The following MYOG variants were observed in gnomAD, a reference collection of about 807,000 sequenced individuals.
MYOG encodes class C basic helix-loop-helix protein 3.
MYOG carries 6 observed loss-of-function variants against 17.7 expected under a neutral mutation model. The observed-to-expected ratio is 0.34, with a 90% CI of 0.19 to 0.67. MYOG has a LOEUF of 0.67. Among genes scored for constraint, MYOG ranks in the 30% least tolerant of loss-of-function variants. The pLI, the probability that MYOG is intolerant of heterozygous loss-of-function variation, is 0.69. For synonymous variants in MYOG, 125 were observed against 130.2 expected, an observed-to-expected ratio of 0.96 and a Z score of 0.27; for missense variants, 272 against 302.0, an observed-to-expected ratio of 0.90 and a Z score of 0.74.
rs1653534678 is a variant in MYOG at position 203,083,355 on chromosome 1, A to G, written c.*555T>C. ...CAGCTTTACAAACAACACACGAAAC[A>G]AAACAAAACATAAAACCACTGGAAG... On this transcript the variant is annotated 3_prime_UTR_variant, in exon 3 of 3. Transcript: ENST00000241651. 8.6e-6 allele frequency: 2 copies of G among 233,442 alleles called. No homozygotes were observed. The highest frequency in any genetic ancestry group is 1.6e-5 in the Non-Finnish European group (2 of 121,862). The allele number at this position is 233,442 out of a possible 1,614,324, so 14.5% of individuals were successfully genotyped here.
In MYOG at chr1:203,083,964, G is replaced by A. The variant is rs1404669983; in HGVS notation, c.621C>T (p.Ser207=). ...CCACAGACACATCTTCCACTGTGATGCTGTCCACGATGGAGGTGAGGGAGT... is the reference window on the plus strand; with the variant it reads ...CCACAGACACATCTTCCACTGTGATACTGTCCACGATGGAGGTGAGGGAGT... ...NLHSLTSIVD[S]ITVEDVSVAF... Residue 207 remains serine, a synonymous_variant, in exon 3 of 3, where the codon AGC becomes AGT. Transcript: ENST00000241651. 1.9e-6 allele frequency: 3 copies of A among 1,592,400 alleles called. No individual in the cohort carries two copies. The highest frequency in any genetic ancestry group is 2.6e-6 in the Non-Finnish European group (3 of 1,168,884).
chr1:203,083,707 C>T lies in MYOG; in HGVS notation c.*203G>A. 3 of 732,740 alleles carry T rather than the reference C, an allele frequency of 4.1e-6. No individual in the cohort carries two copies. Among genetic ancestry groups the T allele is most frequent in the Non-Finnish European group, 6.6e-6 (3 of 455,132 alleles). The allele number at this position is 732,740 out of a possible 1,614,324, so 45.4% of individuals were successfully genotyped here. The stretch of plus-strand genomic sequence containing the variant: ...GGGGATGCCCTCTCCTCTAAGGAGG[C>T]AGCTGAATGAGGGCGTCCAGTCCCT... On this transcript the variant is annotated 3_prime_UTR_variant, in exon 3 of 3. Coordinates refer to ENST00000241651, the MANE Select transcript of MYOG (RefSeq NM_002479.6).
chr1:203,083,773 A>G lies in MYOG; in HGVS notation c.*137T>C. The stretch of plus-strand genomic sequence containing the variant: ...TAACCTTACATGGATGAGGAAGGGG[A>G]TAGTCTGGCCTATGGCACCCCAGAG... On this transcript the variant is annotated 3_prime_UTR_variant, in exon 3 of 3. Transcript: ENST00000241651. 2.3e-6 allele frequency: 3 copies of G among 1,303,842 alleles called. No individual in the cohort carries two copies. Among genetic ancestry groups the G allele is most frequent in the Middle Eastern group, 2.4e-4 (1 of 4,228 alleles). The allele number at this position is 1,303,842 out of a possible 1,614,324, so 80.8% of individuals were successfully genotyped here.
In MYOG at chr1:203,083,932, G is replaced by T. The variant is rs747594167; in HGVS notation, c.653C>A (p.Pro218Gln). The change falls in exon 3 of 3, where the codon CCA becomes CAA. Residue 218 changes from proline to glutamine, a missense_variant. Physicochemically the swap from Pro to Gln is moderately conservative, Grantham distance 76 (BLOSUM62 -1). Transcript: ENST00000241651. Reference sequence around the variant, plus strand: ...ATCTCAGTTGGGCATGGTTTCATCTGGGAAGGCCACAGACACATCTTCCAC... The same window carrying T: ...ATCTCAGTTGGGCATGGTTTCATCTTGGAAGGCCACAGACACATCTTCCAC... ...ITVEDVSVAF[P>Q]DETMPN The T allele has an allele frequency of 4.4e-6, 7 of 1,590,826 alleles. No individual in the cohort carries two copies. In the African/African-American group the frequency reaches 9.4e-5, roughly 21 times the overall value.
Position 203,083,510 on chromosome 1 carries a change from C to G in MYOG, c.*400G>C, listed in dbSNP as rs536436131. The G allele has an allele frequency of 4.4e-6, 2 of 452,968 alleles. No individual in the cohort carries two copies. The highest frequency in any genetic ancestry group is 3.1e-5 in the East Asian group (1 of 32,260). The allele number at this position is 452,968 out of a possible 1,614,324, so 28.1% of individuals were successfully genotyped here. A position where few individuals can be genotyped will look rare whatever the true frequency, so the allele number is the denominator to read the frequency against. On this transcript the variant is annotated 3_prime_UTR_variant, in exon 3 of 3. Transcript: ENST00000241651. ...CACTGGCATCGGGAAGAGACCAGAA[C>G]AGGAGACGTGCACAGCTTGTCCAGG...
intron 2 of MYOG, 56 bp from the exon 3 acceptor site, chr1:203,084,087 C>T (rs962002209): frequency 1.3e-6 from 2 of 1,566,752 alleles, no homozygotes; most frequent in African/African-American, 2.7e-5. Context: ...TTCTTGAGGC[C>T]CAGAATAGAG....
rs1041468349 is a variant in MYOG, at chr1:203,083,597, A to G, written c.*313T>C. ...GGGTGGAATTAGAGGCCGCGTTATGATAAAAAGGAAGCTCCTGAGTTTGCC... is the reference window on the plus strand; with the variant it reads ...GGGTGGAATTAGAGGCCGCGTTATGGTAAAAAGGAAGCTCCTGAGTTTGCC... On this transcript the variant is annotated 3_prime_UTR_variant, in exon 3 of 3. Coordinates refer to ENST00000241651, the MANE Select transcript of MYOG (RefSeq NM_002479.6). 17 of 534,584 alleles carry G rather than the reference A, an allele frequency of 3.2e-5. No individual in the cohort carries two copies. Among genetic ancestry groups the G allele is most frequent in the Non-Finnish European group, 5.0e-5 (15 of 301,478 alleles). 33.1% of individuals were successfully genotyped at this position (534,584 alleles called of 1,614,324 possible).
chr1:203,083,551 T>A lies in MYOG; in HGVS notation c.*359A>T. ...CTTGTCCAGGTCAGGGCACTGCGTC[T>A]CTCAAACCGTTTCACTTGGGGGGTG... On this transcript the variant is annotated 3_prime_UTR_variant, in exon 3 of 3. Transcript: ENST00000241651. The A allele has an allele frequency of 1.9e-6, 1 of 513,102 alleles. No individual in the cohort carries two copies. Among genetic ancestry groups the A allele is most frequent in the Non-Finnish European group, 3.4e-6 (1 of 290,650 alleles). 31.8% of individuals were successfully genotyped at this position (513,102 alleles called of 1,614,324 possible).
Position 203,083,598 on chromosome 1 carries a change from TA to T in MYOG, c.*311del. ...GGTGGAATTAGAGGCCGCGTTATGATAAAAAGGAAGCTCCTGAGTTTGCCCC... is the reference window on the plus strand; with the variant it reads ...GGTGGAATTAGAGGCCGCGTTATGATAAAAGGAAGCTCCTGAGTTTGCCCC... On this transcript the variant is annotated 3_prime_UTR_variant, in exon 3 of 3. Transcript: ENST00000241651. 1 of 533,090 alleles carries T rather than the reference TA, an allele frequency of 1.9e-6. No individual in the cohort carries two copies. Among genetic ancestry groups the T allele is most frequent in the Non-Finnish European group, 3.3e-6 (1 of 300,606 alleles). 33.0% of individuals were successfully genotyped at this position (533,090 alleles called of 1,614,324 possible). A position where few individuals can be genotyped will look rare whatever the true frequency, so the allele number is the denominator to read the frequency against.
rs2102713592 is a variant in MYOG, at chr1:203,083,468, G to A, written c.*442C>T. ...CTCCCCTTCTTCTCTCTCAATTCAG[G>A]GCAGGCCCAGCCCAGCCACTGGCAT... On this transcript the variant is annotated 3_prime_UTR_variant, in exon 3 of 3. Coordinates refer to ENST00000241651, the MANE Select transcript of MYOG (RefSeq NM_002479.6). 1 of 408,582 alleles carries A rather than the reference G, an allele frequency of 2.4e-6. No homozygotes were observed. Among genetic ancestry groups the A allele is most frequent in the South Asian group, 1.1e-4 (1 of 9,234 alleles). The allele number at this position is 408,582 out of a possible 1,614,324, so 25.3% of individuals were successfully genotyped here.
At chr1:203,084,201 T>A (rs958666444) in intron 2 of MYOG, among the ~76,000 whole-genome samples, 170 bp from the exon 3 acceptor site, 1 of 136,870 alleles carries the variant, frequency 7.3e-6, no homozygotes, top group African/African-American at 2.5e-5. Flanking sequence ...TGTGAGTGTG[T>A]GTGTGTGTGT....
At chr1:203,085,235 T>C (rs914761104) in intron 1 of MYOG, among the ~76,000 whole-genome samples, 3 of 152,218 alleles carry the variant, frequency 2.0e-5, no homozygotes, top group African/African-American at 7.2e-5. Flanking sequence ...GCTCCTGATC[T>C]TTCTTCAGTC....
At position 203,084,638 on chromosome 1, in the gene MYOG, C is replaced by A. The variant is rs765622442; in HGVS notation, c.553+9G>T. 1.9e-6 allele frequency: 3 copies of A among 1,607,570 alleles called. No homozygotes were observed. The highest frequency in any genetic ancestry group is 2.5e-6 in the Non-Finnish European group (3 of 1,176,796). On this transcript the variant is annotated intron_variant, in intron 2 of 2. Coordinates refer to ENST00000241651, the MANE Select transcript of MYOG (RefSeq NM_002479.6). ...TTGGAGCCAAGGTTACCAGTCAGGCCTTACTTACCCCCTGGGTTGGCGCTG... is the reference window on the plus strand; with the variant it reads ...TTGGAGCCAAGGTTACCAGTCAGGCATTACTTACCCCCTGGGTTGGCGCTG...
At position 203,085,512 on chromosome 1, in the gene MYOG, G is replaced by A. The variant is rs143736038; in HGVS notation, c.450C>T (p.Gly150=). ...NQEERDLRYR[G]GGGPQPGVPS... Reference sequence around the variant, plus strand: ...TTACCCCTGGCTGGGGCCCGCCCCCGCCCCGGTAGCGGAGGTCACGCTCCT... The same window carrying A: ...TTACCCCTGGCTGGGGCCCGCCCCCACCCCGGTAGCGGAGGTCACGCTCCT... The change falls in exon 1 of 3, where the codon GGC becomes GGT. Residue 150 remains glycine (G), a synonymous_variant. Coordinates refer to ENST00000241651, the MANE Select transcript of MYOG (RefSeq NM_002479.6). 4.8e-4 allele frequency: 771 copies of A among 1,613,180 alleles called. 3 individuals carry two copies. Among genetic ancestry groups the A allele is most frequent in the South Asian group, 4.2e-3 (380 of 91,066 alleles).
rs767163739 is a variant in MYOG at position 203,084,751 on chromosome 1, A to G, written c.472-23T>C. 3.8e-6 allele frequency: 6 copies of G among 1,587,176 alleles called. No individual in the cohort carries two copies. In the Admixed American group the frequency reaches 7.0e-5, roughly 19 times the overall value. On this transcript the variant is annotated intron_variant, in intron 1 of 2. Transcript: ENST00000241651. ...CACCTGCAAGACAGGGCGAAGGCCC[A>G]AGGTCGGGGCACAGCCATTCTTTGA...
chr1:203,086,010 C>T lies in MYOG; in HGVS notation c.-49G>A. On this transcript the variant is annotated 5_prime_UTR_variant, in exon 1 of 3. Coordinates refer to ENST00000241651, the MANE Select transcript of MYOG (RefSeq NM_002479.6). The stretch of plus-strand genomic sequence containing the variant: ...GCCACCAGCCCCCAAGCTCCAGCAG[C>T]CCCTCACGCCAACTGCTGGGTGCCA... 3 of 1,355,710 alleles carry T rather than the reference C, an allele frequency of 2.2e-6. No homozygotes were observed. The highest frequency in any genetic ancestry group is 3.0e-6 in the Non-Finnish European group (3 of 989,944). 84.0% of individuals were successfully genotyped at this position (1,355,710 alleles called of 1,614,324 possible).
rs201240398 is a variant in MYOG, at chr1:203,085,853, G to A, written c.109C>T (p.Arg37Trp). 8.1e-6 allele frequency: 13 copies of A among 1,613,836 alleles called. No homozygotes were observed. The highest frequency in any genetic ancestry group is 6.7e-5 in the African/African-American group (5 of 74,892). The part of the protein sequence containing the change: ...LQGFEPPGYE[R>W]TELTLSPEAP... ...TCGGGGCTCAGGGTGAGCTCCGTCC[G>A]CTCGTAGCCTGGTGGTTCGAAGCCC... The change falls in exon 1 of 3, where the codon CGG (arginine) becomes TGG (tryptophan). Residue 37 changes from arginine (R) to tryptophan (W), a missense_variant. Transcript: ENST00000241651.
At position 203,083,845 on chromosome 1, in the gene MYOG, C is replaced by T. The variant is rs1226820098; in HGVS notation, c.*65G>A. 5 of 1,557,230 alleles carry T rather than the reference C, an allele frequency of 3.2e-6. No homozygotes were observed. The highest frequency in any genetic ancestry group is 4.4e-6 in the Non-Finnish European group (5 of 1,148,890). ...AGCCTGGCTTAGGAGGCCCCTGCTA[C>T]AGAAGTAGTGGCATCTGTGGCCAGC... is the stretch of plus-strand genomic sequence containing the variant. On this transcript the variant is annotated 3_prime_UTR_variant, in exon 3 of 3. Coordinates refer to ENST00000241651, the MANE Select transcript of MYOG (RefSeq NM_002479.6).
chr1:203,083,418 G>A lies in MYOG; in HGVS notation c.*492C>T, dbSNP rs898956194. On this transcript the variant is annotated 3_prime_UTR_variant, in exon 3 of 3. Coordinates refer to ENST00000241651, the MANE Select transcript of MYOG (RefSeq NM_002479.6). ...CACTGCAAAAGTTTGGCCCCCCAGG[G>A]ACTTGGGAACAGAGGGCTGTTCCTC... The A allele has an allele frequency of 2.8e-6, 1 of 351,000 alleles. No homozygotes were observed. The highest frequency in any genetic ancestry group is 5.1e-6 in the Non-Finnish European group (1 of 195,610). The allele number at this position is 351,000 out of a possible 1,614,324, so 21.7% of individuals were successfully genotyped here.
Sources: gnomAD v4.1 joint callset for allele counts (sites outside exome capture counted in the v4.1 genomes callset) on GRCh38, gnomAD v4.1.1 for gene constraint, MANE v1.5 for transcripts, NCBI Gene and HGNC (gene_info 2026-07-23, HGNC 2026-07-21) for gene names.